Variants in SLC2A6 observed in about 807,000 individuals in gnomAD.
SLC2A6 encodes the protein solute carrier family 2, facilitated glucose transporter member 6.
In SLC2A6, 39 loss-of-function variants were observed where a neutral mutation model predicts 47.8. That is an observed-to-expected ratio of 0.82 (90% CI 0.63 to 1.07). SLC2A6 has a LOEUF of 1.07. Among genes scored for constraint, SLC2A6 ranks in the 50% least tolerant of loss-of-function variants. The probability of loss-of-function intolerance (pLI) is 0.00; values close to 1 mark genes in which losing one functional copy is unlikely to be tolerated. For synonymous variants in SLC2A6, 346 were observed against 324.1 expected, an observed-to-expected ratio of 1.07 and a Z score of -0.73; for missense variants, 650 against 707.6, an observed-to-expected ratio of 0.92 and a Z score of 0.92.
At chr9:133,474,368 T>G (rs1231599153) in intron 6 of SLC2A6, among the ~76,000 whole-genome samples, 1 of 152,204 alleles carries the variant, frequency 6.6e-6, no homozygotes, top group Admixed American at 6.5e-5. Context: ...TCTTCAAATC[T>G]CATCTCACTT....
At chr9:133,478,502 G>C in intron 1 of SLC2A6, 86 bp from the exon 2 acceptor site, 2 of 1,506,774 alleles carry the variant, frequency 1.3e-6, no homozygotes, top group Admixed American at 3.5e-5. Flanking sequence ...GTGGCTGCCC[G>C]GCTCAGCGGG....
rs1843879326 is a variant in SLC2A6, at chr9:133,474,865, G to A, written c.927+96C>T. ...CACAGAGCAGGTGTGGGTAAGACCA[G>A]GGGTTGGGTAAGTGCAGGAGCAGGC... On this transcript the variant is annotated intron_variant, in intron 6 of 9. Coordinates refer to ENST00000371899, the MANE Select transcript of SLC2A6 (RefSeq NM_017585.4). 4.1e-5 allele frequency: 53 copies of A among 1,287,026 alleles called. No homozygotes were observed. The South Asian group carries it at 8.3e-4, about 20-fold the overall frequency. The allele number at this position is 1,287,026 out of a possible 1,614,324, so 79.7% of individuals were successfully genotyped here.
At chr9:133,473,297 G>A in intron 8 of SLC2A6, 47 bp from the exon 9 acceptor site, 1 of 1,547,930 alleles carries the variant, frequency 6.5e-7, no homozygotes, top group Admixed American at 2.0e-5. Flanking sequence ...GTGACTGGAG[G>A]CGGCTGTGTC....
chr9:133,475,143 T>C, intron 5 of SLC2A6, 30 bp from the exon 6 acceptor site: 3 of 1,502,136 alleles, frequency 2.0e-6, no homozygotes, highest in Non-Finnish European at 2.7e-6. Context: ...CTGAGGGCGT[T>C]GGGCCAGCCT....
In SLC2A6 at chr9:133,473,436, C is replaced by T. The variant is rs782680066; in HGVS notation, c.1201G>A (p.Ala401Thr). The change falls in exon 8 of 10, where the codon GCC becomes ACC. Residue 401 changes from alanine to threonine, a missense_variant. Transcript: ENST00000371899. ...AGYLTLVPLL[A>T]TMLFIMGYAV... ...CTACCCATGATGAAGAGCATGGTGG[C>T]CAGCAGGGGCACCAGGGTGAGGTAG... The T allele has an allele frequency of 8.1e-6, 13 of 1,603,702 alleles. No homozygotes were observed. The highest frequency in any genetic ancestry group is 2.2e-5 in the East Asian group (1 of 44,798).
At position 133,475,092 on chromosome 9, in the gene SLC2A6, C is replaced by T; in HGVS notation, c.796G>A (p.Glu266Lys). 2.5e-6 allele frequency: 4 copies of T among 1,585,446 alleles called. No homozygotes were observed. The highest frequency in any genetic ancestry group is 1.1e-5 in the South Asian group (1 of 87,190). The change falls in exon 6 of 10, where the codon GAG becomes AAG. Residue 266 changes from glutamate (E) to lysine (K), a missense_variant. Coordinates refer to ENST00000371899, the MANE Select transcript of SLC2A6 (RefSeq NM_017585.4). ...RRQSSRVSWA[E>K]ARAPHVCRPI... The stretch of plus-strand genomic sequence containing the variant: ...CGGCACACGTGTGGGGCCCGTGCCT[C>T]AGCCCACGATACTCGGCTGCTCTGA...
At chr9:133,472,976 T>C in intron 9 of SLC2A6, 129 bp downstream of exon 9, 1 of 975,586 alleles carries the variant, frequency 1.0e-6, no homozygotes, top group South Asian at 1.8e-5. Context: ...AGGGGGTGTG[T>C]GCTCATCTCC....
At chr9:133,478,942 G>A in intron 1 of SLC2A6, 26 bp downstream of exon 1, 3 of 1,515,002 alleles carry the variant, frequency 2.0e-6, no homozygotes, top group Admixed American at 2.0e-5. Context: ...GGCCCCACCC[G>A]CAGCCCCCAA....
At position 133,471,887 on chromosome 9, in the gene SLC2A6, C is replaced by T; in HGVS notation, c.*134G>A. The T allele has an allele frequency of 9.4e-7, 1 of 1,069,212 alleles. No homozygotes were observed. Among genetic ancestry groups the T allele is most frequent in the Non-Finnish European group, 1.3e-6 (1 of 748,934 alleles). 66.2% of individuals were successfully genotyped at this position (1,069,212 alleles called of 1,614,324 possible). ...CCAGGGGCACCCGCTGCTGAGGCCC[C>T]ATCACACTGCTCTTCCTGTGCTCTG... is the stretch of plus-strand genomic sequence containing the variant. On this transcript the variant is annotated 3_prime_UTR_variant, in exon 10 of 10. Coordinates refer to ENST00000371899, the MANE Select transcript of SLC2A6 (RefSeq NM_017585.4).
At chr9:133,474,540 C>T (rs947620510) in intron 6 of SLC2A6, among the ~76,000 whole-genome samples, 1 of 152,210 alleles carries the variant, frequency 6.6e-6, no homozygotes, top group Non-Finnish European at 1.5e-5. Flanking sequence ...TTCTATAAAG[C>T]TGGTTTCCTT....
At chr9:133,476,958 G>GGGA (rs1843977838) in intron 3 of SLC2A6, 77 bp downstream of exon 3, 1 of 1,439,130 alleles carries the variant, frequency 6.9e-7, no homozygotes, top group Non-Finnish European at 9.4e-7. Flanking sequence ...CATGGAGGCT[G>GGGA]GGAGGCCTTA....
rs1844037895 is a variant in SLC2A6, at chr9:133,478,340, C to T, written c.169G>A (p.Val57Ile). The T allele has an allele frequency of 6.2e-7, 1 of 1,614,118 alleles. No homozygotes were observed. Residue 57 changes from valine (V) to isoleucine (I), a missense_variant, in exon 2 of 10, where the codon GTC becomes ATC. Coordinates refer to ENST00000371899, the MANE Select transcript of SLC2A6 (RefSeq NM_017585.4). ...GCTGGGATGACAGGGGATGTGTAGA[C>T]CAGGGCATACCCAAAGCTGAAATTG... ...LGNFSFGYAL[V>I]YTSPVIPALE... is the part of the protein sequence containing the mutation.
rs781935216 is a variant in SLC2A6, at chr9:133,473,573, G to A, written c.1064C>T (p.Thr355Ile). The A allele has an allele frequency of 1.3e-6, 2 of 1,547,926 alleles. No individual in the cohort carries two copies. Among genetic ancestry groups the A allele is most frequent in the South Asian group, 1.2e-5 (1 of 80,380 alleles). The change falls in exon 8 of 10, where the codon ACT (threonine) becomes ATT (isoleucine). Residue 355 changes from threonine (T) to isoleucine (I), a missense_variant. By Grantham distance (89) the Thr-to-Ile change is moderately conservative. Transcript: ENST00000371899. ...SAAIMFAANLTLGLYIHFGPR... is the reference protein window; with the variant it reads ...SAAIMFAANLILGLYIHFGPR... ...GCCAAAGTGGATGTACAGCCCCAGA[G>A]TCAGGTTGGCAGCAAACATGATGGC...
chr9:133,473,281 T>C (rs1843803019), intron 8 of SLC2A6, 31 bp from the exon 9 acceptor site: 2 of 1,552,846 alleles, frequency 1.3e-6, no homozygotes, highest in African/African-American at 1.4e-5. Flanking sequence ...GTTCAGGCCC[T>C]GTGGGGTGAC....
At chr9:133,477,365 A>G (rs1843997692) in intron 2 of SLC2A6, 124 bp from the exon 3 acceptor site, 2 of 886,554 alleles carry the variant, frequency 2.3e-6, no homozygotes, top group African/African-American at 3.4e-5. Context: ...TGGCCAAGTC[A>G]AGCACTTGAA....
At position 133,473,458 on chromosome 9, in the gene SLC2A6, G is replaced by A. The variant is rs41297217; in HGVS notation, c.1179C>T (p.Tyr393=). 0.12 allele frequency: 185,362 copies of A among 1,604,664 alleles called. 12,414 individuals are homozygous for A. The highest frequency in any genetic ancestry group is 0.22 in the Admixed American group (13,279 of 59,090). ...TGGCCAGCAGGGGCACCAGGGTGAG[G>A]TAGCCAGCGGGTGCTGCCAGGGGCT... The part of the protein sequence containing the change: ...LAQPLAAPAG[Y]LTLVPLLATM... The change falls in exon 8 of 10, where the codon TAC becomes TAT. Residue 393 remains tyrosine (Y), a synonymous_variant. Coordinates refer to ENST00000371899, the MANE Select transcript of SLC2A6 (RefSeq NM_017585.4).
Position 133,477,254 on chromosome 9 carries a change from G to A in SLC2A6, c.256-13C>T, listed in dbSNP as rs191231585. 3.5e-4 allele frequency: 537 copies of A among 1,550,076 alleles called. 4 individuals carry two copies. In the East Asian group the frequency reaches 0.011, roughly 32 times the overall value. On this transcript the variant is annotated splice_polypyrimidine_tract_variant and intron_variant, in intron 2 of 9. Coordinates refer to ENST00000371899, the MANE Select transcript of SLC2A6 (RefSeq NM_017585.4). ...GGGTGAACACGGACTGCAGGGGAAG[G>A]GGGTGCAGGGCAGATATGTCTGGGC...
At chr9:133,472,304 G>C (rs1843751229) in intron 9 of SLC2A6, 128 bp from the exon 10 acceptor site, 1 of 1,083,168 alleles carries the variant, frequency 9.2e-7, no homozygotes, top group East Asian at 2.6e-5. Flanking sequence ...CCTGTGTTCA[G>C]AGACCGCCCC....
chr9:133,472,847 C>T (rs1284451108), intron 9 of SLC2A6, among the ~76,000 whole-genome samples: 2 of 152,188 alleles, frequency 1.3e-5, no homozygotes, highest in Non-Finnish European at 2.9e-5. Context: ...GGGCCATGTC[C>T]TGCCCTGGCC....
Sources: allele counts gnomAD v4.1 joint callset (sites outside exome capture counted in the v4.1 genomes callset), GRCh38; gene constraint gnomAD v4.1.1; transcripts MANE v1.5; gene names NCBI Gene and HGNC (gene_info 2026-07-23, HGNC 2026-07-21).